Variants in ARHGAP26 observed in about 807,000 individuals in gnomAD.
The protein encoded by ARHGAP26 is Rho GTPase activating protein 26.
In ARHGAP26, 38 loss-of-function variants were observed where a neutral mutation model predicts 104.8. The observed-to-expected ratio is 0.36, with a 90% CI of 0.28 to 0.48. The LOEUF (loss-of-function observed/expected upper bound fraction) is 0.48. Among genes scored for constraint, ARHGAP26 ranks in the 20% least tolerant of loss-of-function variants. The pLI, the probability that ARHGAP26 is intolerant of heterozygous loss-of-function variation, is 0.99. For missense variants in ARHGAP26, 704 were observed against 947.9 expected (o/e 0.74, Z 3.38); for synonymous variants, 341 against 340.0 (o/e 1.00, Z -0.03).
intron 1 of ARHGAP26, among the ~76,000 whole-genome samples, chr5:142,825,624 T>C (rs967369867): frequency 2.0e-5 from 3 of 152,210 alleles, no homozygotes; most frequent in Non-Finnish European, 4.4e-5. Context: ...ATTTTTCTAT[T>C]GTAATTCCTT....
chr5:143,126,130 GT>G (rs1407518279), intron 18 of ARHGAP26, among the ~76,000 whole-genome samples: 2 of 152,198 alleles, frequency 1.3e-5, no homozygotes, highest in African/African-American at 4.8e-5. Context: ...TGAATAAAGT[GT>G]TATGGCATCA....
chr5:142,979,083 G>A (rs1477872389), intron 11 of ARHGAP26, among the ~76,000 whole-genome samples: 1 of 152,114 alleles, frequency 6.6e-6, no homozygotes, highest in African/African-American at 2.4e-5. Context: ...AGGCCATTAT[G>A]GAAATCTCAA....
intron 11 of ARHGAP26, among the ~76,000 whole-genome samples, chr5:143,002,935 A>G (rs1777395556): frequency 6.6e-6 from 1 of 152,220 alleles, no homozygotes; most frequent in Non-Finnish European, 1.5e-5. Flanking sequence ...GCTTGAAGAA[A>G]TTTGGCAGAT....
chr5:143,060,633 T>C (rs1157591447), intron 17 of ARHGAP26, among the ~76,000 whole-genome samples: 1 of 151,882 alleles, frequency 6.6e-6, no homozygotes, highest in African/African-American at 2.4e-5. Flanking sequence ...ATGTTTTCTG[T>C]TTGGATCTTG....
intron 11 of ARHGAP26, among the ~76,000 whole-genome samples, chr5:142,963,854 T>G (rs1598410155): frequency 6.6e-6 from 1 of 152,366 alleles, no homozygotes; most frequent in South Asian, 2.1e-4. Flanking sequence ...TATTAGAATA[T>G]CTGCAATATT....
At chr5:142,869,548 T>TAATA (rs1210864479) in intron 1 of ARHGAP26, among the ~76,000 whole-genome samples, 8 of 152,088 alleles carry the variant, frequency 5.3e-5, no homozygotes, top group Admixed American at 4.6e-4. Context: ...CAAGGGTAGT[T>TAATA]AATACACAAT....
At position 142,968,688 on chromosome 5, in the gene ARHGAP26, G is replaced by A. The variant is rs556860894; in HGVS notation, c.1107+36563G>A. Among the ~76,000 whole-genome samples, 16 of 152,250 alleles carry A rather than the reference G, an allele frequency of 1.1e-4. No individual in the cohort carries two copies. In the South Asian group the frequency reaches 3.3e-3, roughly 32 times the overall value. On this transcript the variant is annotated intron_variant, in intron 11 of 22. Transcript: ENST00000645722. Reference sequence around the variant, plus strand: ...GTATTGTGCATATGGATGTACATGTGTTGATGGAATTGTGCTTCACATGTT... The same window carrying A: ...GTATTGTGCATATGGATGTACATGTATTGATGGAATTGTGCTTCACATGTT...
intron 17 of ARHGAP26, among the ~76,000 whole-genome samples, chr5:143,094,331 T>C (rs1355375813): frequency 2.0e-5 from 3 of 152,304 alleles, no homozygotes; most frequent in Non-Finnish European, 4.4e-5. Flanking sequence ...TTAAGCTAGG[T>C]TGCTGGTCAG....
rs773625546 is a variant in ARHGAP26 at position 143,134,074 on chromosome 5, G to A, written c.1806G>A (p.Thr602=). 21 of 1,612,182 alleles carry A rather than the reference G, an allele frequency of 1.3e-5. No individual in the cohort carries two copies. The East Asian group carries it at 3.3e-4, about 26-fold the overall frequency. ...KPPSCSERPL[T]LFHTVQSTEK... is the part of the protein sequence containing the mutation. The stretch of plus-strand genomic sequence containing the variant: ...CGTCCTGCAGCGAGAGGCCCCTGAC[G>A]CTCTTCCACACCGTTCAGTCAACAG... Residue 602 remains threonine, a synonymous_variant, in exon 19 of 23, where the codon ACG becomes ACA. Transcript: ENST00000645722.
chr5:143,100,446 G>A (rs1364162685), intron 17 of ARHGAP26, among the ~76,000 whole-genome samples: 1 of 152,218 alleles, frequency 6.6e-6, no homozygotes, highest in Non-Finnish European at 1.5e-5. Context: ...ACACTAGCAA[G>A]TTAAATGATG....
At chr5:142,885,507 G>T (rs1321671259) in intron 5 of ARHGAP26, 108 bp downstream of exon 5, 1 of 929,656 alleles carries the variant, frequency 1.1e-6, no homozygotes, top group African/African-American at 1.7e-5. Context: ...GAAGGGACCT[G>T]GGAAGCCAGG....
chr5:142,870,040 A>G (rs1267069405), intron 1 of ARHGAP26, among the ~76,000 whole-genome samples: 2 of 152,228 alleles, frequency 1.3e-5, no homozygotes, highest in Non-Finnish European at 2.9e-5. Flanking sequence ...CACTCTGGCC[A>G]GCATTCTGCT....
chr5:143,147,729 G>A (rs1197303339), intron 20 of ARHGAP26, among the ~76,000 whole-genome samples: 1 of 152,062 alleles, frequency 6.6e-6, no homozygotes, highest in Admixed American at 6.5e-5. Context: ...CTGTGGCCGA[G>A]TTTGTTTCAC....
chr5:142,853,944 A>T (rs1368446117), intron 1 of ARHGAP26, among the ~76,000 whole-genome samples: 1 of 152,236 alleles, frequency 6.6e-6, no homozygotes, highest in East Asian at 1.9e-4. Flanking sequence ...AGCTGTGAGC[A>T]GGCCAAGAAC....
At chr5:143,133,252 AATGC>A (rs1797561080) in intron 18 of ARHGAP26, among the ~76,000 whole-genome samples, 1 of 152,140 alleles carries the variant, frequency 6.6e-6, no homozygotes. Flanking sequence ...ATAAAACCTA[AATGC>A]TAACAGTGGT....
At chr5:143,205,850 C>T (rs1808468826) in intron 20 of ARHGAP26, among the ~76,000 whole-genome samples, 2 of 152,262 alleles carry the variant, frequency 1.3e-5, no homozygotes, top group Middle Eastern at 3.4e-3. Flanking sequence ...AATATAGTAC[C>T]TACAGACACT....
At chr5:142,804,015 A>T (rs1597692243) in intron 1 of ARHGAP26, among the ~76,000 whole-genome samples, 1 of 152,218 alleles carries the variant, frequency 6.6e-6, no homozygotes, top group South Asian at 2.1e-4. Flanking sequence ...TGTGAACAAG[A>T]TCCTGTTATT....
intron 11 of ARHGAP26, among the ~76,000 whole-genome samples, chr5:142,969,178 C>G (rs900671420): frequency 1.3e-5 from 2 of 152,192 alleles, no homozygotes; most frequent in African/African-American, 4.8e-5. Flanking sequence ...TGTGCTCAAG[C>G]AATCTGCCCA....
intron 11 of ARHGAP26, among the ~76,000 whole-genome samples, chr5:143,006,601 G>A (rs1002697277): frequency 1.3e-5 from 2 of 152,132 alleles, no homozygotes; most frequent in African/African-American, 4.8e-5. Flanking sequence ...TGTCAGCTGA[G>A]AAACAGAAAA....
Sources: gnomAD v4.1 joint callset for allele counts (sites outside exome capture counted in the v4.1 genomes callset) on GRCh38, gnomAD v4.1.1 for gene constraint, MANE v1.5 for transcripts, NCBI Gene and HGNC (gene_info 2026-07-23, HGNC 2026-07-21) for gene names.